The following FEZ2 variants were observed in gnomAD, a reference collection of about 807,000 sequenced individuals.
FEZ2 encodes the protein fasciculation and elongation protein zeta-2.
Under a neutral mutation model 40.4 loss-of-function variants are expected in FEZ2, and 51 were observed. The observed-to-expected ratio is 1.26, with a 90% CI of 1.01 to 1.59. The LOEUF (loss-of-function observed/expected upper bound fraction) is 1.59. FEZ2 is among the 40% of genes most tolerant of loss of function. FEZ2 has a pLI of 0.00. For missense variants in FEZ2, 640 were observed against 438.3 expected (o/e 1.46, Z -4.11); for synonymous variants, 242 against 172.0 (o/e 1.41, Z -3.18).
At chr2:36,559,296 T>A (rs1354117523) in intron 5 of FEZ2, 2 of 152,200 alleles carry the variant, frequency 1.3e-5, no homozygotes, top group Non-Finnish European at 2.9e-5. Context: ...TTGTCCAGAT[T>A]TTCCTGTTCT....
intron 5 of FEZ2, among the ~76,000 whole-genome samples, chr2:36,573,386 T>A (rs1272390880): frequency 6.6e-6 from 1 of 152,248 alleles, no homozygotes; most frequent in Non-Finnish European, 1.5e-5. Flanking sequence ...TTGTTCAACC[T>A]ATTCTTGTAT....
chr2:36,556,190 A>G, intron 6 of FEZ2: 1 of 332,724 alleles, frequency 3.0e-6, no homozygotes, highest in South Asian at 2.7e-5. Context: ...TATACCCTCC[A>G]ACAAGCGTAT....
In FEZ2 at chr2:36,592,412, C is replaced by T. The variant is rs75706564; in HGVS notation, c.267-1401G>A. ...GCCCAAGAATGAAAATTTTAAAATA[C>T]AGACATAACATAGTTAACAAATAGG... On this transcript the variant is annotated intron_variant, in intron 1 of 7. Coordinates refer to ENST00000405912, the MANE Select transcript of FEZ2 (RefSeq NM_005102.3). Among the ~76,000 whole-genome samples, 4 of 152,034 alleles carry T rather than the reference C, an allele frequency of 2.6e-5. No homozygotes were observed. The East Asian group carries it at 7.7e-4, about 29-fold the overall frequency.
chr2:36,556,172 T>A, intron 6 of FEZ2: 1 of 389,884 alleles, frequency 2.6e-6, no homozygotes, highest in South Asian at 2.1e-5. Flanking sequence ...CTTAAAGAAA[T>A]GGACAGCTAT....
chr2:36,560,388 T>C (rs1668061450), intron 5 of FEZ2, among the ~76,000 whole-genome samples: 1 of 152,224 alleles, frequency 6.6e-6, no homozygotes, highest in African/African-American at 2.4e-5. Context: ...TACCGACATC[T>C]GGCCTTCTTC....
intron 1 of FEZ2, among the ~76,000 whole-genome samples, chr2:36,593,402 G>A (rs1019454836): frequency 6.6e-6 from 1 of 152,076 alleles, no homozygotes; most frequent in African/African-American, 2.4e-5. Flanking sequence ...CTCCATGAGG[G>A]CCCTGCCCCT....
chr2:36,565,799 G>A (rs1668219592), intron 5 of FEZ2, among the ~76,000 whole-genome samples: 1 of 152,046 alleles, frequency 6.6e-6, no homozygotes, highest in African/African-American at 2.4e-5. Context: ...TCTTGTCACG[G>A]GGGTCAGTGT....
intron 5 of FEZ2, among the ~76,000 whole-genome samples, chr2:36,571,529 G>A (rs1003599978): frequency 2.6e-5 from 4 of 151,880 alleles, no homozygotes; most frequent in South Asian, 2.1e-4. Flanking sequence ...GCTGGCGGGC[G>A]CCGTCATCCC....
At chr2:36,565,933 T>C (rs1165762071) in intron 5 of FEZ2, among the ~76,000 whole-genome samples, 1 of 152,174 alleles carries the variant, frequency 6.6e-6, no homozygotes, top group African/African-American at 2.4e-5. Flanking sequence ...CATTGACTCA[T>C]GTCCCATGGG....
intron 3 of FEZ2, among the ~76,000 whole-genome samples, chr2:36,582,378 AAG>A (rs1193625896): frequency 6.6e-6 from 1 of 152,198 alleles, no homozygotes; most frequent in Admixed American, 6.5e-5. Flanking sequence ...TAATTATAAG[AAG>A]AGTCTCCAAA....
intron 1 of FEZ2, among the ~76,000 whole-genome samples, chr2:36,594,221 C>T (rs1179529254): frequency 6.6e-6 from 1 of 152,060 alleles, no homozygotes; most frequent in African/African-American, 2.4e-5. Context: ...CCCACATTTT[C>T]CTGTCTTCTG....
In FEZ2 at chr2:36,581,304, C is replaced by A. The variant is rs199658522; in HGVS notation, c.620G>T (p.Gly207Val). The stretch of plus-strand genomic sequence containing the variant: ...GGCTCCCTTACTCTCTTCATAACTG[C>A]CGGTACTAGACCTCTTGAGAGTTTG... ...EIQTLKRSSTGSYEERVKRLS... is the reference protein window; with the variant it reads ...EIQTLKRSSTVSYEERVKRLS... The change falls in exon 4 of 8, where the codon GGC becomes GTC. Residue 207 changes from glycine (G) to valine (V), a missense_variant. By Grantham distance (109) the Gly-to-Val change is moderately radical (BLOSUM62 -3). Transcript: ENST00000405912. The A allele has an allele frequency of 2.2e-4, 361 of 1,613,700 alleles. 1 individual carries two copies. The highest frequency in any genetic ancestry group is 2.8e-4 in the Non-Finnish European group (325 of 1,179,766).
At chr2:36,596,938 G>A (rs1422179866) in intron 1 of FEZ2, among the ~76,000 whole-genome samples, 1 of 152,150 alleles carries the variant, frequency 6.6e-6, no homozygotes, top group Non-Finnish European at 1.5e-5. Context: ...GGCTCAGGTG[G>A]TTTAAAAAGT....
chr2:36,597,733 G>T, intron 1 of FEZ2, 144 bp downstream of exon 1: 3 of 585,132 alleles, frequency 5.1e-6, no homozygotes, highest in Non-Finnish European at 2.6e-6. Context: ...CGAGGCCGAC[G>T]GCCGGAGGAA....
At chr2:36,584,815 GA>G (rs1179648419) in intron 2 of FEZ2, among the ~76,000 whole-genome samples, 1 of 152,180 alleles carries the variant, frequency 6.6e-6, no homozygotes, top group Non-Finnish European at 1.5e-5. Flanking sequence ...GTTTGCAGGT[GA>G]ACACAGCCTA....
Position 36,581,176 on chromosome 2 carries a change from GACACAA to G in FEZ2, c.634+108_634+113del, listed in dbSNP as rs1048330912. ...CAACAACAACAAAAATGTAAATTTG[GACACAA>G]ACACAAACAGAAGGAGGATGAAATC... is the stretch of plus-strand genomic sequence containing the variant. On this transcript the variant is annotated intron_variant, in intron 4 of 7. Coordinates refer to ENST00000405912, the MANE Select transcript of FEZ2 (RefSeq NM_005102.3). The G allele has an allele frequency of 3.9e-6, 4 of 1,017,394 alleles. No homozygotes were observed. In the African/African-American group the frequency reaches 4.9e-5, roughly 12 times the overall value. 63.0% of individuals were successfully genotyped at this position (1,017,394 alleles called of 1,614,324 possible).
chr2:36,592,991 GTCTGTGGACTACTAAATTTGCTGGGTT>G (rs1343567983), intron 1 of FEZ2, among the ~76,000 whole-genome samples: 6 of 152,316 alleles, frequency 3.9e-5, no homozygotes, highest in African/African-American at 7.2e-5. Context: ...TAGAGGCAAT[GTCTGTGGACTACTAAATTTGCTGGGTT>G]TCTGTGGACT....
At chr2:36,581,234 T>C (rs1352318534) in intron 4 of FEZ2, 56 bp downstream of exon 4, 2 of 1,498,812 alleles carry the variant, frequency 1.3e-6, no homozygotes, top group Non-Finnish European at 9.2e-7. Context: ...GATCATACTA[T>C]ACATTTGATA....
intron 5 of FEZ2, among the ~76,000 whole-genome samples, chr2:36,569,676 A>G (rs1358759452): frequency 6.6e-6 from 1 of 152,208 alleles, no homozygotes; most frequent in Non-Finnish European, 1.5e-5. Context: ...AGCTTCACAG[A>G]AAGCAACATC....
Sources: allele counts gnomAD v4.1 joint callset (sites outside exome capture counted in the v4.1 genomes callset), GRCh38; gene constraint gnomAD v4.1.1; transcripts MANE v1.5; gene names NCBI Gene and HGNC (gene_info 2026-07-23, HGNC 2026-07-21).